The following STK3 variants were observed in gnomAD, a reference collection of about 807,000 sequenced individuals.
STK3 encodes serine/threonine-protein kinase 3.
A neutral mutation model predicts 58.0 loss-of-function variants in STK3; 41 were observed. The ratio of observed to expected loss-of-function variants is 0.71; its 90% CI spans 0.55 to 0.92. The LOEUF (loss-of-function observed/expected upper bound fraction) is 0.92, where lower values mean the gene tolerates loss of function less well. Ranked by LOEUF, STK3 falls within the 40% of genes least tolerant of loss-of-function variation. The pLI, the probability that STK3 is intolerant of heterozygous loss-of-function variation, is 0.00. For synonymous variants in STK3, 170 were observed against 191.0 expected, an observed-to-expected ratio of 0.89 and a Z score of 0.91; for missense variants, 479 against 602.7, an observed-to-expected ratio of 0.79 and a Z score of 2.15.
At chr8:98,736,790 C>T (rs1828631203) in intron 4 of STK3, among the ~76,000 whole-genome samples, 1 of 152,100 alleles carries the variant, frequency 6.6e-6, no homozygotes. Flanking sequence ...TAAATCATCA[C>T]ATAATTTTGT....
chr8:98,888,431 CT>C (rs1361902791), intron 1 of STK3, among the ~76,000 whole-genome samples: 1 of 152,178 alleles, frequency 6.6e-6, no homozygotes, highest in Non-Finnish European at 1.5e-5. Context: ...GAGGCTTGCT[CT>C]GTGGACTAGA....
chr8:98,440,100 G>C (rs571376991), intron 1 of STK3, among the ~76,000 whole-genome samples: 1 of 152,148 alleles, frequency 6.6e-6, no homozygotes, highest in African/African-American at 2.4e-5. Context: ...CTGCTCCAGC[G>C]GGCCAGTCTA....
intron 3 of STK3, among the ~76,000 whole-genome samples, chr8:98,872,161 G>C (rs1437189005): frequency 6.6e-6 from 1 of 152,178 alleles, no homozygotes; most frequent in African/African-American, 2.4e-5. Context: ...ATTTGCGTAT[G>C]TTTAACCAGC....
intron 6 of STK3, among the ~76,000 whole-genome samples, chr8:98,663,194 A>G (rs1434689458): frequency 6.6e-6 from 1 of 152,130 alleles, no homozygotes; most frequent in East Asian, 1.9e-4. Flanking sequence ...AACAACCCCA[A>G]CAAAAAGTGG....
intron 4 of STK3, among the ~76,000 whole-genome samples, chr8:98,714,843 GAACA>G (rs1425831176): frequency 1.3e-5 from 2 of 152,234 alleles, no homozygotes; most frequent in Non-Finnish European, 2.9e-5. Context: ...TAAGCCAAAG[GAACA>G]AAGCTGGAGG....
At chr8:98,706,322 T>TTA (rs1300345703) in intron 6 of STK3, 145 bp downstream of exon 6, 1 of 813,052 alleles carries the variant, frequency 1.2e-6, no homozygotes. Context: ...AGTTAACAGT[T>TTA]ACTAATCTTT....
At chr8:98,433,692 G>A (rs1273442533) in intron 3 of STK3, among the ~76,000 whole-genome samples, 2 of 152,126 alleles carry the variant, frequency 1.3e-5, no homozygotes, top group Non-Finnish European at 2.9e-5. Flanking sequence ...GCCATGAGCC[G>A]ATCCTGATAT....
At chr8:98,358,447 G>C in the STK3 span, among the ~76,000 whole-genome samples, 5 of 152,214 alleles carry the variant, frequency 3.3e-5, no homozygotes, top group Admixed American at 6.5e-5. Flanking sequence ...GCAATGGGGA[G>C]CCACGGAGGA....
chr8:98,741,964 TA>T (rs1364570361), intron 4 of STK3, among the ~76,000 whole-genome samples: 1 of 151,922 alleles, frequency 6.6e-6, no homozygotes, highest in Non-Finnish European at 1.5e-5. Context: ...TCTACGCAAA[TA>T]AACTAGAAAA....
chr8:98,670,920 T>A (rs1330840537), intron 6 of STK3, among the ~76,000 whole-genome samples: 1 of 152,192 alleles, frequency 6.6e-6, no homozygotes, highest in Non-Finnish European at 1.5e-5. Flanking sequence ...ACCCACTGAA[T>A]GTGGGGGCTG....
chr8:98,354,190 A>C, the STK3 span, among the ~76,000 whole-genome samples: 87,346 of 152,062 alleles, frequency 0.57, 25,178 homozygotes, highest in Admixed American at 0.63. Flanking sequence ...CTGGTCTACC[A>C]ATGGTTGTCT....
At chr8:98,571,421 A>G (rs1812958659) in intron 8 of STK3, among the ~76,000 whole-genome samples, 1 of 152,186 alleles carries the variant, frequency 6.6e-6, no homozygotes, top group Non-Finnish European at 1.5e-5. Flanking sequence ...TGTCTAAGAA[A>G]TGCTCACCTG....
chr8:98,878,649 A>G (rs1048832646), intron 3 of STK3, among the ~76,000 whole-genome samples: 5 of 152,216 alleles, frequency 3.3e-5, no homozygotes, highest in Admixed American at 1.3e-4. Flanking sequence ...CACGTGTGTC[A>G]GGGATAAGAA....
chr8:98,510,029 G>C (rs1824379839), intron 10 of STK3, among the ~76,000 whole-genome samples: 1 of 151,860 alleles, frequency 6.6e-6, no homozygotes, highest in South Asian at 2.1e-4. Context: ...TCAAAAGAAA[G>C]GTTTAAAAAA....
intron 1 of STK3, among the ~76,000 whole-genome samples, chr8:98,823,195 G>C (rs1434436345): frequency 6.6e-6 from 1 of 152,058 alleles, no homozygotes; most frequent in Non-Finnish European, 1.5e-5. Context: ...AACTAGATGG[G>C]ATAATGAAAG....
intron 10 of STK3, among the ~76,000 whole-genome samples, chr8:98,472,536 CAAAAT>C (rs1821003357): frequency 6.6e-6 from 1 of 152,096 alleles, no homozygotes; most frequent in South Asian, 2.1e-4. Flanking sequence ...ACATGAACCT[CAAAAT>C]AATGCTGTGA....
At chr8:98,564,702 T>C (rs1047524074) in intron 8 of STK3, among the ~76,000 whole-genome samples, 21 of 152,130 alleles carry the variant, frequency 1.4e-4, no homozygotes, top group African/African-American at 5.1e-4. Context: ...ACACAATGTA[T>C]ACATGTATCA....
At chr8:98,491,190 A>AGAGAGG (rs1822664387) in intron 10 of STK3, among the ~76,000 whole-genome samples, 1 of 151,478 alleles carries the variant, frequency 6.6e-6, no homozygotes, top group African/African-American at 2.4e-5. Context: ...AGAGAGAGAG[A>AGAGAGG]GAGAGAGAGA....
chr8:98,775,348 T>TCCC (rs1831606164), intron 1 of STK3, among the ~76,000 whole-genome samples: 1 of 152,020 alleles, frequency 6.6e-6, no homozygotes, highest in South Asian at 2.1e-4. Flanking sequence ...AAAAAGATCC[T>TCCC]CCCCAGCCCC....
Sources: allele counts gnomAD v4.1 joint callset (sites outside exome capture counted in the v4.1 genomes callset), GRCh38; gene constraint gnomAD v4.1.1; transcripts MANE v1.5; gene names NCBI Gene and HGNC (gene_info 2026-07-23, HGNC 2026-07-21).